Variants in XRCC5 observed in about 807,000 individuals in gnomAD.
The protein encoded by XRCC5 is X-ray repair cross complementing 5.
XRCC5 carries 12 observed loss-of-function variants against 95.7 expected under a neutral mutation model. That is an observed-to-expected ratio of 0.13 (90% confidence interval 0.08 to 0.20). The LOEUF (loss-of-function observed/expected upper bound fraction) is 0.20, where lower values mean the gene tolerates loss of function less well. Among genes scored for constraint, XRCC5 ranks in the 10% least tolerant of loss-of-function variants. The pLI, the probability that XRCC5 is intolerant of heterozygous loss-of-function variation, is 1.00. For missense variants in XRCC5, 595 were observed against 873.9 expected, an observed-to-expected ratio of 0.68 and a Z score of 4.02; for synonymous variants, 281 against 290.3, an observed-to-expected ratio of 0.97 and a Z score of 0.33.
At position 216,141,329 on chromosome 2, in the gene XRCC5, G is replaced by C; in HGVS notation, c.1476+10G>C. 6.2e-7 allele frequency: 1 copy of C among 1,613,864 alleles called. No individual in the cohort carries two copies. Among genetic ancestry groups the C allele is most frequent in the Non-Finnish European group, 8.5e-7 (1 of 1,179,900 alleles). On this transcript the variant is annotated intron_variant, in intron 13 of 20. Coordinates refer to ENST00000392132, the MANE Select transcript of XRCC5 (RefSeq NM_021141.4). ...TCAGAGATTATTTCAGGTAAGAGAA[G>C]AAGGATGAACAAGTCATATTTCTTT...
chr2:216,154,965 A>T (rs1029913209), intron 14 of XRCC5, among the ~76,000 whole-genome samples: 6 of 151,870 alleles, frequency 4.0e-5, no homozygotes, highest in Non-Finnish European at 8.8e-5. Context: ...TGAACTTATT[A>T]AAAAAAACCA....
intron 8 of XRCC5, among the ~76,000 whole-genome samples, chr2:216,130,432 T>C (rs2106008820): frequency 6.6e-6 from 1 of 152,304 alleles, no homozygotes; most frequent in South Asian, 2.1e-4. Context: ...GCATACGTTT[T>C]TGAGAACATT....
chr2:216,143,542 A>G (rs1697204342), intron 13 of XRCC5, among the ~76,000 whole-genome samples: 1 of 152,204 alleles, frequency 6.6e-6, no homozygotes, highest in Non-Finnish European at 1.5e-5. Context: ...AAGCTGCTGC[A>G]AGCACGGGCT....
At chr2:216,193,045 G>A (rs1332246827) in intron 18 of XRCC5, among the ~76,000 whole-genome samples, 3 of 152,170 alleles carry the variant, frequency 2.0e-5, no homozygotes, top group African/African-American at 4.8e-5. Context: ...CTGTGTGGGC[G>A]AACATTGTCC....
chr2:216,156,802 C>G, intron 14 of XRCC5: 1 of 478,954 alleles, frequency 2.1e-6, no homozygotes, highest in South Asian at 1.5e-5. Context: ...CAATCCTGTC[C>G]AGTAGCCATT....
At chr2:216,121,588 A>G (rs1049030294) in intron 5 of XRCC5, among the ~76,000 whole-genome samples, 1 of 152,156 alleles carries the variant, frequency 6.6e-6, no homozygotes, top group Admixed American at 6.5e-5. Context: ...TCCATTTATG[A>G]GTTCCCCACC....
At chr2:216,180,729 GTGA>G (rs919939079) in intron 16 of XRCC5, among the ~76,000 whole-genome samples, 4 of 152,266 alleles carry the variant, frequency 2.6e-5, no homozygotes, top group African/African-American at 9.6e-5. Flanking sequence ...AACCACCTAA[GTGA>G]TGGCGTGTCC....
chr2:216,119,023 A>C lies in XRCC5; in HGVS notation c.369-20A>C. On this transcript the variant is annotated intron_variant, in intron 4 of 20. Transcript: ENST00000392132. ...TAATTCAGGAGAATGATTTCTTAATATGATAACTCTCTCTTTTAGAGGAAA... is the reference window on the plus strand; with the variant it reads ...TAATTCAGGAGAATGATTTCTTAATCTGATAACTCTCTCTTTTAGAGGAAA... 6.2e-7 allele frequency: 1 copy of C among 1,610,756 alleles called. No individual in the cohort carries two copies. Among genetic ancestry groups the C allele is most frequent in the Non-Finnish European group, 8.5e-7 (1 of 1,177,718 alleles).
At position 216,116,899 on chromosome 2, in the gene XRCC5, A is replaced by T. The variant is rs187841716; in HGVS notation, c.319+57A>T. On this transcript the variant is annotated intron_variant, in intron 3 of 20. Transcript: ENST00000392132. ...AAATTTCCTTTATTCTGGGAATCGTACAGCAGTTTGATGAGACACCCCCAG... is the reference window on the plus strand; with the variant it reads ...AAATTTCCTTTATTCTGGGAATCGTTCAGCAGTTTGATGAGACACCCCCAG... The T allele has an allele frequency of 8.1e-3, 12,740 of 1,582,294 alleles. 91 individuals are homozygous for T. Among genetic ancestry groups the T allele is most frequent in the Non-Finnish European group, 8.5e-3 (9,883 of 1,161,020 alleles).
intron 16 of XRCC5, among the ~76,000 whole-genome samples, chr2:216,165,026 T>C (rs943342541): frequency 2.0e-5 from 3 of 152,186 alleles, no homozygotes; most frequent in African/African-American, 7.2e-5. Context: ...CTAGATAGCA[T>C]GTAAGTTAAC....
At chr2:216,149,012 T>C (rs1688693822) in intron 14 of XRCC5, among the ~76,000 whole-genome samples, 1 of 152,220 alleles carries the variant, frequency 6.6e-6, no homozygotes, top group East Asian at 1.9e-4. Flanking sequence ...GACTTTTTTT[T>C]CTCAAGCTGG....
intron 13 of XRCC5, among the ~76,000 whole-genome samples, chr2:216,141,540 CTTTT>C (rs71401137): frequency 1.5e-4 from 10 of 65,002 alleles, no homozygotes; most frequent in African/African-American, 5.9e-4. Flanking sequence ...TCTTTCTTTT[CTTTT>C]TTTTTTTTTT....
Position 216,160,168 on chromosome 2 carries a change from T to G in XRCC5, c.1764+7T>G, listed in dbSNP as rs1688924696. 1.3e-6 allele frequency: 2 copies of G among 1,589,444 alleles called. No individual in the cohort carries two copies. Among genetic ancestry groups the G allele is most frequent in the Admixed American group, 3.6e-5 (2 of 56,156 alleles). ...TGAAGGCAGTGTCACCTCTGTAAGC[T>G]AAGCTTTTCAAGTGCGCTTCCCCCT... On this transcript the variant is annotated splice_region_variant and intron_variant, in intron 15 of 20. Coordinates refer to ENST00000392132, the MANE Select transcript of XRCC5 (RefSeq NM_021141.4).
chr2:216,114,866 A>G (rs920517540), intron 2 of XRCC5, among the ~76,000 whole-genome samples: 22 of 152,226 alleles, frequency 1.4e-4, no homozygotes, highest in Non-Finnish European at 1.5e-4. Flanking sequence ...GAGCATGCGC[A>G]TGACTAGTAA....
chr2:216,185,406 A>G (rs1158403626), intron 16 of XRCC5, among the ~76,000 whole-genome samples: 2 of 152,228 alleles, frequency 1.3e-5, no homozygotes, highest in East Asian at 3.8e-4. Flanking sequence ...CCTCTGTTAA[A>G]ACAGACTTTC....
chr2:216,191,681 G>A (rs1398412298), intron 17 of XRCC5, among the ~76,000 whole-genome samples: 1 of 152,174 alleles, frequency 6.6e-6, no homozygotes, highest in Non-Finnish European at 1.5e-5. Flanking sequence ...AGAGTGCTGG[G>A]ATTACAGGGG....
chr2:216,142,618 C>CT (rs1470740591), intron 13 of XRCC5, among the ~76,000 whole-genome samples: 2 of 152,130 alleles, frequency 1.3e-5, no homozygotes, highest in Non-Finnish European at 2.9e-5. Context: ...ATATAAGCAG[C>CT]TTTTTAAGGC....
At chr2:216,172,144 G>A (rs910414893) in intron 16 of XRCC5, among the ~76,000 whole-genome samples, 2 of 152,178 alleles carry the variant, frequency 1.3e-5, no homozygotes, top group African/African-American at 2.4e-5. Flanking sequence ...TGGGCCTGAC[G>A]AGTTGTAAAT....
intron 2 of XRCC5, among the ~76,000 whole-genome samples, chr2:216,114,080 G>A (rs1250272090): frequency 2.0e-5 from 3 of 152,172 alleles, no homozygotes; most frequent in African/African-American, 7.2e-5. Context: ...TGTGTAAAAT[G>A]AGAATAATGA....
Sources: gnomAD v4.1 joint callset for allele counts (sites outside exome capture counted in the v4.1 genomes callset) on GRCh38, gnomAD v4.1.1 for gene constraint, MANE v1.5 for transcripts, NCBI Gene and HGNC (gene_info 2026-07-23, HGNC 2026-07-21) for gene names.